Variants in CCAR1 observed in about 807,000 individuals in gnomAD.
CCAR1 encodes the protein cell division cycle and apoptosis regulator 1.
Under a neutral mutation model 163.8 loss-of-function variants are expected in CCAR1, and 78 were observed. The ratio of observed to expected loss-of-function variants is 0.48; its 90% CI spans 0.40 to 0.57. The LOEUF (loss-of-function observed/expected upper bound fraction) is 0.57. Among genes scored for constraint, CCAR1 ranks in the 20% least tolerant of loss-of-function variants. The pLI, the probability that CCAR1 is intolerant of heterozygous loss-of-function variation, is 0.00. For missense variants in CCAR1, 1,019 were observed against 1,365.2 expected, an observed-to-expected ratio of 0.75 and a Z score of 4.00; for synonymous variants, 443 against 460.7, an observed-to-expected ratio of 0.96 and a Z score of 0.49.
rs762952586 is a variant in CCAR1 at position 68,787,901 on chromosome 10, A to G, written c.2881-26A>G. 4.5e-6 allele frequency: 7 copies of G among 1,571,012 alleles called. No individual in the cohort carries two copies. The South Asian group carries it at 5.9e-5, about 13-fold the overall frequency. On this transcript the variant is annotated intron_variant, in intron 21 of 24. Transcript: ENST00000265872. ...TCAAGAAATGTATTTTCATCTCTGT[A>G]TTTTGTTTACTTGCATGCATAACAG...
At chr10:68,784,277 G>A (rs1418336559) in intron 19 of CCAR1, among the ~76,000 whole-genome samples, 6 of 151,828 alleles carry the variant, frequency 4.0e-5, no homozygotes, top group African/African-American at 9.7e-5. Flanking sequence ...GTGCAGTGCC[G>A]TGATCTCGGC....
Position 68,737,837 on chromosome 10 carries a change from T to A in CCAR1, c.247-8T>A. On this transcript the variant is annotated splice_region_variant and splice_polypyrimidine_tract_variant and intron_variant, in intron 3 of 24. Coordinates refer to ENST00000265872, the MANE Select transcript of CCAR1 (RefSeq NM_018237.4). ...TTTTCTTTGAAAAATTTTTTTTTAA[T>A]CTTTCAGCAATATTCACAACCTCAG... is the stretch of plus-strand genomic sequence containing the variant. 6.3e-7 allele frequency: 1 copy of A among 1,575,360 alleles called. No homozygotes were observed. Among genetic ancestry groups the A allele is most frequent in the Non-Finnish European group, 8.6e-7 (1 of 1,161,426 alleles).
intron 2 of CCAR1, among the ~76,000 whole-genome samples, chr10:68,724,012 G>A (rs1029121000): frequency 4.0e-5 from 6 of 151,792 alleles, no homozygotes; most frequent in Middle Eastern, 3.2e-3. Context: ...TACAAAACTG[G>A]CTGGGCATGG....
intron 12 of CCAR1, 125 bp downstream of exon 12, chr10:68,754,952 G>A: frequency 1.6e-6 from 1 of 614,584 alleles, no homozygotes. Flanking sequence ...TAGTATTAAG[G>A]CACCCAGAAT....
chr10:68,771,090 G>A (rs2056596899), intron 17 of CCAR1, 116 bp from the exon 18 acceptor site: 5 of 841,866 alleles, frequency 5.9e-6, no homozygotes, highest in South Asian at 5.9e-5. Flanking sequence ...AAAAAAAAAA[G>A]TTTGATAAGT....
intron 2 of CCAR1, among the ~76,000 whole-genome samples, chr10:68,736,075 A>C (rs2056105882): frequency 6.6e-6 from 1 of 151,614 alleles, no homozygotes; most frequent in South Asian, 2.1e-4. Context: ...CTGGTCTCGA[A>C]CTCTTGACCT....
chr10:68,771,116 A>G, intron 17 of CCAR1, 90 bp from the exon 18 acceptor site: 1 of 1,100,952 alleles, frequency 9.1e-7, no homozygotes, highest in African/African-American at 1.6e-5. Context: ...TAATCGTTGT[A>G]TGTGGCAAGT....
At chr10:68,785,138 CG>C (rs2056782085) in intron 19 of CCAR1, among the ~76,000 whole-genome samples, 1 of 151,510 alleles carries the variant, frequency 6.6e-6, no homozygotes, top group African/African-American at 2.4e-5. Flanking sequence ...AGGATGGTCT[CG>C]ATCTCCTGAC....
At chr10:68,750,549 C>T (rs1490653543) in intron 10 of CCAR1, among the ~76,000 whole-genome samples, 1 of 152,060 alleles carries the variant, frequency 6.6e-6, no homozygotes, top group African/African-American at 2.4e-5. Context: ...TTCTGAGGTT[C>T]ACCTGCAAAA....
intron 2 of CCAR1, among the ~76,000 whole-genome samples, chr10:68,729,986 C>T (rs1249684657): frequency 6.6e-6 from 1 of 151,792 alleles, no homozygotes; most frequent in Non-Finnish European, 1.5e-5. Context: ...GTGGTACAAT[C>T]TCAGCTCACT....
chr10:68,769,668 G>A (rs1427100509), intron 17 of CCAR1, among the ~76,000 whole-genome samples: 2 of 152,108 alleles, frequency 1.3e-5, no homozygotes, highest in East Asian at 1.9e-4. Context: ...TAGGCCAGGC[G>A]TGGTGGCTCA....
chr10:68,753,576 G>T (rs1198165905), intron 10 of CCAR1, among the ~76,000 whole-genome samples: 2 of 152,044 alleles, frequency 1.3e-5, no homozygotes, highest in Non-Finnish European at 2.9e-5. Flanking sequence ...ATCTTTTCTG[G>T]AGCTGAGATT....
At chr10:68,748,243 T>TA (rs2056283639) in intron 8 of CCAR1, among the ~76,000 whole-genome samples, 1 of 151,582 alleles carries the variant, frequency 6.6e-6, no homozygotes, top group South Asian at 2.1e-4. Flanking sequence ...TTTGGAAAAA[T>TA]ACAAAAAAAA....
chr10:68,754,658 C>A, intron 11 of CCAR1, 56 bp from the exon 12 acceptor site: 1 of 864,148 alleles, frequency 1.2e-6, no homozygotes, highest in Non-Finnish European at 1.9e-6. Context: ...TAGTGCTTCT[C>A]ATTTTTTCAC....
At chr10:68,738,385 A>G (rs888783469) in intron 4 of CCAR1, among the ~76,000 whole-genome samples, 3 of 152,080 alleles carry the variant, frequency 2.0e-5, no homozygotes, top group Non-Finnish European at 4.4e-5. Flanking sequence ...CCGAGATCAC[A>G]CCACTGTACT....
Position 68,727,134 on chromosome 10 carries a change from C to CAAAGA in CCAR1, c.73+4557_73+4558insAAAGA, listed in dbSNP as rs766644350. ...CCAGGCTGGAGTGCAGTGGCACGATCTGGGCTCACTGCAATCTCTGCCTCC... is the reference window on the plus strand; with the variant it reads ...CCAGGCTGGAGTGCAGTGGCACGATCAAAGATGGGCTCACTGCAATCTCTGCCTCC... On this transcript the variant is annotated intron_variant, in intron 2 of 24. Coordinates refer to ENST00000265872, the MANE Select transcript of CCAR1 (RefSeq NM_018237.4). Among the ~76,000 whole-genome samples the CAAAGA allele has an allele frequency of 3.5e-5, 5 of 141,170 alleles. No individual in the cohort carries two copies. In the East Asian group the frequency reaches 8.6e-4, roughly 24 times the overall value. The allele number at this position is 141,170 out of a possible 152,430, so 92.6% of individuals were successfully genotyped here. A position where few individuals can be genotyped will look rare whatever the true frequency, so the allele number is the denominator to read the frequency against.
rs534841315 is a variant in CCAR1 at position 68,762,763 on chromosome 10, T to A, written c.2106+1571T>A. Among the ~76,000 whole-genome samples, 90 of 152,240 alleles carry A rather than the reference T, an allele frequency of 5.9e-4. 1 individual carries two copies. Among genetic ancestry groups the A allele is most frequent in the East Asian group, 1.5e-3 (8 of 5,196 alleles). On this transcript the variant is annotated intron_variant, in intron 16 of 24. Transcript: ENST00000265872. ...TCTTTTTTAAATTTTTTATTTTTTT[T>A]AAATTTTTTTAGAATGTGAAAAATT...
At chr10:68,790,590 G>A (rs1017288002) in intron 24 of CCAR1, among the ~76,000 whole-genome samples, 3 of 151,840 alleles carry the variant, frequency 2.0e-5, no homozygotes, top group Admixed American at 6.6e-5. Context: ...TGTTAGTGGC[G>A]CTATCTTGGC....
rs1232014164 is a variant in CCAR1 at position 68,725,963 on chromosome 10, A to AT, written c.73+3388dup. 2.0e-5 allele frequency among the ~76,000 whole-genome samples: 3 copies of AT among 151,946 alleles called. No homozygotes were observed. In the East Asian group the frequency reaches 5.8e-4, roughly 29 times the overall value. ...AAACCCCATCTGCAGAAACTCAAAA[A>AT]TTAGCCAGGTGTGGTAGAGCACGCC... On this transcript the variant is annotated intron_variant, in intron 2 of 24. Coordinates refer to ENST00000265872, the MANE Select transcript of CCAR1 (RefSeq NM_018237.4).
Sources: allele counts gnomAD v4.1 joint callset (sites outside exome capture counted in the v4.1 genomes callset), GRCh38; gene constraint gnomAD v4.1.1; transcripts MANE v1.5; gene names NCBI Gene and HGNC (gene_info 2026-07-23, HGNC 2026-07-21).